The following CNTNAP5 variants were observed in gnomAD, a reference collection of about 807,000 sequenced individuals.
The protein encoded by CNTNAP5 is contactin-associated protein-like 5.
CNTNAP5 carries 72 observed loss-of-function variants against 150.2 expected under a neutral mutation model. The observed-to-expected ratio is 0.48, with a 90% CI of 0.40 to 0.58. The LOEUF is 0.58. Among genes scored for constraint, CNTNAP5 ranks in the 20% least tolerant of loss-of-function variants. The pLI is 0.00. For missense variants in CNTNAP5, 1,636 were observed against 1,626.2 expected, an observed-to-expected ratio of 1.01 and a Z score of -0.10; for synonymous variants, 672 against 619.8, an observed-to-expected ratio of 1.08 and a Z score of -1.25.
At chr2:124,742,361 A>G (rs1340954777) in intron 13 of CNTNAP5, among the ~76,000 whole-genome samples, 1 of 152,206 alleles carries the variant, frequency 6.6e-6, no homozygotes, top group Non-Finnish European at 1.5e-5. Flanking sequence ...AGACAGCTAC[A>G]GGGCTTAAAC....
At chr2:124,321,761 T>G (rs1383737063) in intron 3 of CNTNAP5, among the ~76,000 whole-genome samples, 1 of 152,208 alleles carries the variant, frequency 6.6e-6, no homozygotes, top group Non-Finnish European at 1.5e-5. Context: ...TGAGTTTTTA[T>G]GTACTCTGGA....
At chr2:124,427,735 G>T (rs7580294) in intron 4 of CNTNAP5, among the ~76,000 whole-genome samples, 2 of 152,064 alleles carry the variant, frequency 1.3e-5, no homozygotes, top group East Asian at 3.9e-4. Context: ...GGGATTACAG[G>T]TGTGAGCCAC....
intron 19 of CNTNAP5, among the ~76,000 whole-genome samples, chr2:124,842,516 A>C (rs1043631853): frequency 6.6e-6 from 1 of 152,228 alleles, no homozygotes; most frequent in African/African-American, 2.4e-5. Context: ...ACAGAGTCCC[A>C]TGGAAGAGTA....
At chr2:124,248,615 C>T (rs982320818) in intron 3 of CNTNAP5, among the ~76,000 whole-genome samples, 3 of 152,240 alleles carry the variant, frequency 2.0e-5, no homozygotes, top group Non-Finnish European at 4.4e-5. Context: ...GAAAGCTCCT[C>T]ACTGATGCCC....
At chr2:124,670,761 A>G (rs1270462265) in intron 13 of CNTNAP5, among the ~76,000 whole-genome samples, 3 of 152,072 alleles carry the variant, frequency 2.0e-5, no homozygotes, top group Admixed American at 2.0e-4. Flanking sequence ...TTGCTCGTTC[A>G]CCTCTTTCAA....
intron 1 of CNTNAP5, among the ~76,000 whole-genome samples, chr2:124,101,444 G>A (rs1348529699): frequency 2.0e-5 from 3 of 152,066 alleles, no homozygotes; most frequent in African/African-American, 7.2e-5. Context: ...TAACCTGGAG[G>A]AACAAAGCTG....
At chr2:124,397,506 C>T (rs183624488) in intron 3 of CNTNAP5, among the ~76,000 whole-genome samples, 7 of 152,310 alleles carry the variant, frequency 4.6e-5, no homozygotes, top group Admixed American at 4.6e-4. Context: ...ATCCCCACCT[C>T]CTAATAATGT....
chr2:124,178,905 T>A (rs1685133704), intron 1 of CNTNAP5, among the ~76,000 whole-genome samples: 2 of 136,862 alleles, frequency 1.5e-5, no homozygotes, highest in Admixed American at 1.6e-4. Flanking sequence ...TGATTTTTAT[T>A]TGTTATTTAT....
chr2:124,830,542 T>C (rs1682692340), intron 19 of CNTNAP5, among the ~76,000 whole-genome samples: 1 of 152,030 alleles, frequency 6.6e-6, no homozygotes, highest in Non-Finnish European at 1.5e-5. Context: ...TCCAGGGTCA[T>C]GAATGTACAC....
chr2:124,378,290 T>A (rs1214409038), intron 3 of CNTNAP5, among the ~76,000 whole-genome samples: 7 of 152,074 alleles, frequency 4.6e-5, no homozygotes, highest in Non-Finnish European at 1.0e-4. Flanking sequence ...CATGCTTTTT[T>A]AAAAGCAGAC....
intron 11 of CNTNAP5, among the ~76,000 whole-genome samples, chr2:124,602,338 CAAAAAAAAA>C (rs35316532): frequency 1.1e-5 from 1 of 89,796 alleles, no homozygotes. Flanking sequence ...AAGACTTCAC[CAAAAAAAAA>C]AAAAAAAAAA....
intron 1 of CNTNAP5, among the ~76,000 whole-genome samples, chr2:124,074,498 C>A (rs745387529): frequency 1.7e-4 from 26 of 152,018 alleles, no homozygotes; most frequent in African/African-American, 2.9e-4. Flanking sequence ...AATTAAAAAA[C>A]CATTATTTTA....
chr2:124,871,843 A>T (rs1038750558), intron 21 of CNTNAP5, among the ~76,000 whole-genome samples: 23 of 151,990 alleles, frequency 1.5e-4, no homozygotes, highest in African/African-American at 4.6e-4. Flanking sequence ...TGTCATATGT[A>T]TCTATGTATC....
At chr2:124,806,273 G>C (rs1302955568) in intron 19 of CNTNAP5, among the ~76,000 whole-genome samples, 1 of 152,172 alleles carries the variant, frequency 6.6e-6, no homozygotes, top group Middle Eastern at 3.4e-3. Context: ...ACAGTGAGAG[G>C]GGAAATGCCC....
At chr2:124,710,815 G>A (rs1318269484) in intron 13 of CNTNAP5, among the ~76,000 whole-genome samples, 3 of 151,988 alleles carry the variant, frequency 2.0e-5, no homozygotes, top group Admixed American at 2.0e-4. Flanking sequence ...TGACTTTTCT[G>A]TGACAGTGAA....
intron 1 of CNTNAP5, among the ~76,000 whole-genome samples, chr2:124,194,864 C>T (rs1220725185): frequency 6.6e-6 from 1 of 151,530 alleles, no homozygotes; most frequent in Non-Finnish European, 1.5e-5. Flanking sequence ...GAATATTGGA[C>T]ACAATGGTAA....
chr2:124,358,937 ACT>A (rs1452938159), intron 3 of CNTNAP5, among the ~76,000 whole-genome samples: 3 of 146,628 alleles, frequency 2.0e-5, no homozygotes, highest in Non-Finnish European at 4.5e-5. Context: ...CTGGTCCTGG[ACT>A]CTTTTTGGTT....
At chr2:124,334,961 A>T (rs548465814) in intron 3 of CNTNAP5, among the ~76,000 whole-genome samples, 2 of 152,254 alleles carry the variant, frequency 1.3e-5, no homozygotes, top group African/African-American at 4.8e-5. Context: ...TAGATGCTAA[A>T]TCTCCAAGTT....
At chr2:124,482,643 C>T (rs998564259) in intron 7 of CNTNAP5, among the ~76,000 whole-genome samples, 1 of 152,030 alleles carries the variant, frequency 6.6e-6, no homozygotes, top group African/African-American at 2.4e-5. Context: ...CTGGGTGTCT[C>T]TTGCAATGTA....
Sources: allele counts gnomAD v4.1 joint callset (sites outside exome capture counted in the v4.1 genomes callset), GRCh38; gene constraint gnomAD v4.1.1; transcripts MANE v1.5; gene names NCBI Gene and HGNC (gene_info 2026-07-23, HGNC 2026-07-21).